Variants in KCNIP1 observed in about 807,000 individuals in gnomAD.
The protein encoded by KCNIP1 is A-type potassium channel modulatory protein KCNIP1.
Under a neutral mutation model 33.0 loss-of-function variants are expected in KCNIP1, and 18 were observed. The observed-to-expected ratio is 0.55, with a 90% CI of 0.38 to 0.81. KCNIP1 has a LOEUF of 0.81. Ranked by LOEUF, KCNIP1 falls within the 30% of genes least tolerant of loss-of-function variation. The probability of loss-of-function intolerance (pLI) is 0.00; values close to 1 mark genes in which losing one functional copy is unlikely to be tolerated. For synonymous variants in KCNIP1, 93 were observed against 98.3 expected, an observed-to-expected ratio of 0.95 and a Z score of 0.32; for missense variants, 238 against 271.6, an observed-to-expected ratio of 0.88 and a Z score of 0.87.
In KCNIP1 at chr5:170,736,035, A is replaced by C; in HGVS notation, c.*229A>C. On this transcript the variant is annotated 3_prime_UTR_variant, in exon 8 of 8. Coordinates refer to ENST00000328939, the MANE Select transcript of KCNIP1 (RefSeq NM_014592.4). ...TTCTTCTTGAGAGAGACAAGATGAA[A>C]TTTGAGTTTGTTTTGGAAGCATGCT... The C allele has an allele frequency of 1.8e-6, 1 of 553,224 alleles. No homozygotes were observed. The highest frequency in any genetic ancestry group is 2.6e-5 in the South Asian group (1 of 38,156). 34.3% of individuals were successfully genotyped at this position (553,224 alleles called of 1,614,324 possible). A position where few individuals can be genotyped will look rare whatever the true frequency, so the allele number is the denominator to read the frequency against.
chr5:170,682,304 G>A (rs926383597), intron 1 of KCNIP1, among the ~76,000 whole-genome samples: 1 of 152,124 alleles, frequency 6.6e-6, no homozygotes, highest in African/African-American at 2.4e-5. Context: ...TCTGTTCCTT[G>A]GAATTCTAGA....
intron 3 of KCNIP1, among the ~76,000 whole-genome samples, chr5:170,720,882 TAAAC>T (rs1286490508): frequency 6.6e-6 from 1 of 152,190 alleles, no homozygotes. Flanking sequence ...ACTATAAAAA[TAAAC>T]TAATTGAAAA....
chr5:170,364,217 C>T (rs1321020155), intron 1 of KCNIP1, among the ~76,000 whole-genome samples: 1 of 152,074 alleles, frequency 6.6e-6, no homozygotes, highest in Non-Finnish European at 1.5e-5. Context: ...TGTTGCCCAA[C>T]CTGGTCTCAA....
At chr5:170,734,312 A>T (rs73323011) in intron 7 of KCNIP1, among the ~76,000 whole-genome samples, 3,353 of 152,284 alleles carry the variant, frequency 0.022, 135 homozygotes, top group African/African-American at 0.076. Context: ...ATTGCCTGGA[A>T]TGATTCTGAA....
intron 1 of KCNIP1, among the ~76,000 whole-genome samples, chr5:170,492,656 A>G (rs1368169252): frequency 6.6e-6 from 1 of 152,196 alleles, no homozygotes; most frequent in East Asian, 1.9e-4. Flanking sequence ...GAGTCACCTC[A>G]CTGGAACAAA....
At chr5:170,372,510 T>G (rs564474435) in intron 1 of KCNIP1, among the ~76,000 whole-genome samples, 4 of 152,144 alleles carry the variant, frequency 2.6e-5, no homozygotes, top group Non-Finnish European at 5.9e-5. Context: ...TCTCTAATCA[T>G]GGCTTGGTCC....
chr5:170,534,471 A>AAGG (rs34048947), intron 1 of KCNIP1, among the ~76,000 whole-genome samples: 2,667 of 149,418 alleles, frequency 0.018, 25 homozygotes, highest in Non-Finnish European at 0.028. Flanking sequence ...GGAGAGGGAG[A>AAGG]AGGAGGAGGA....
chr5:170,376,682 C>G (rs1345039731), intron 1 of KCNIP1: 1 of 152,142 alleles, frequency 6.6e-6, no homozygotes, highest in Non-Finnish European at 1.5e-5. Context: ...CCATCCATGT[C>G]CCTGCAAAGG....
chr5:170,576,616 G>A (rs920369644), intron 1 of KCNIP1, among the ~76,000 whole-genome samples: 6 of 152,150 alleles, frequency 3.9e-5, no homozygotes, highest in South Asian at 2.1e-4. Flanking sequence ...TTAGCCACTC[G>A]GACAAGTGAC....
At chr5:170,363,992 T>C (rs1763586854) in intron 1 of KCNIP1, among the ~76,000 whole-genome samples, 1 of 149,912 alleles carries the variant, frequency 6.7e-6, no homozygotes, top group Non-Finnish European at 1.5e-5. Context: ...TTTCACTTAG[T>C]GTAATATCTT....
At position 170,562,053 on chromosome 5, in the gene KCNIP1, G is replaced by A. The variant is rs112153626; in HGVS notation, c.61+57420G>A. 1.4e-3 allele frequency among the ~76,000 whole-genome samples: 207 copies of A among 152,266 alleles called. 1 individual carries two copies. The highest frequency in any genetic ancestry group is 1.4e-3 in the Non-Finnish European group (94 of 68,036). ...AAGTCAAAAAATCTGAAGTCAGACC[G>A]TCGTAAGTCAGGGATCATCTGCGTT... On this transcript the variant is annotated intron_variant, in intron 1 of 7. Transcript: ENST00000328939.
At chr5:170,461,758 A>AAAAGGC (rs1418096206) in intron 1 of KCNIP1, among the ~76,000 whole-genome samples, 1 of 152,152 alleles carries the variant, frequency 6.6e-6, no homozygotes, top group Non-Finnish European at 1.5e-5. Context: ...TCAAAAAAAA[A>AAAAGGC]AAAAGGCAAA....
At chr5:170,721,762 G>A (rs556301388) in intron 3 of KCNIP1, 71 bp from the exon 4 acceptor site, 1 of 1,614,116 alleles carries the variant, frequency 6.2e-7, no homozygotes, top group Non-Finnish European at 8.5e-7. Flanking sequence ...TCGAAGCCCT[G>A]CCTTGTTTGG....
chr5:170,513,832 G>A (rs1171857357), intron 1 of KCNIP1, among the ~76,000 whole-genome samples: 2 of 152,214 alleles, frequency 1.3e-5, no homozygotes, highest in South Asian at 2.1e-4. Flanking sequence ...TAGGGCCTGG[G>A]GAATGAAAGT....
intron 5 of KCNIP1, among the ~76,000 whole-genome samples, chr5:170,727,056 G>C (rs1201052093): frequency 6.6e-6 from 1 of 152,194 alleles, no homozygotes; most frequent in Non-Finnish European, 1.5e-5. Context: ...TGACCCAAAT[G>C]TCTGTCAACA....
intron 6 of KCNIP1, among the ~76,000 whole-genome samples, 164 bp downstream of exon 6, chr5:170,733,068 G>A (rs1764258649): frequency 6.6e-6 from 1 of 152,198 alleles, no homozygotes; most frequent in East Asian, 1.9e-4. Context: ...ATCTCCTTAA[G>A]CTGCAAGTGT....
chr5:170,730,882 T>A (rs765195636), intron 5 of KCNIP1, among the ~76,000 whole-genome samples: 20 of 150,704 alleles, frequency 1.3e-4, no homozygotes, highest in Admixed American at 9.3e-4. Flanking sequence ...GAGTTCCCAA[T>A]AGTCAGAATG....
intron 1 of KCNIP1, among the ~76,000 whole-genome samples, chr5:170,661,673 C>T (rs977649507): frequency 6.6e-6 from 1 of 152,190 alleles, no homozygotes; most frequent in Non-Finnish European, 1.5e-5. Flanking sequence ...CTACTGCTCA[C>T]CCAGCCCCAT....
intron 1 of KCNIP1, among the ~76,000 whole-genome samples, chr5:170,704,904 G>C (rs1763207394): frequency 6.6e-6 from 1 of 152,182 alleles, no homozygotes; most frequent in Non-Finnish European, 1.5e-5. Flanking sequence ...GCAGGGCTTG[G>C]AAACAGGCAG....
Sources: allele counts gnomAD v4.1 joint callset (sites outside exome capture counted in the v4.1 genomes callset), GRCh38; gene constraint gnomAD v4.1.1; transcripts MANE v1.5; gene names NCBI Gene and HGNC (gene_info 2026-07-23, HGNC 2026-07-21).